KCND2: variants seen among roughly 807,000 people sequenced by gnomAD.
The protein encoded by KCND2 is A-type voltage-gated potassium channel KCND2.
In KCND2, 16 loss-of-function variants were observed where a neutral mutation model predicts 54.4. That is an observed-to-expected ratio of 0.29 (90% CI 0.20 to 0.45). The LOEUF (loss-of-function observed/expected upper bound fraction) is 0.45, where lower values mean the gene tolerates loss of function less well. Ranked by LOEUF, KCND2 falls within the 20% of genes least tolerant of loss-of-function variation. KCND2 has a pLI of 1.00. For synonymous variants in KCND2, 317 were observed against 310.7 expected (o/e 1.02, Z -0.21); for missense variants, 486 against 824.2 (o/e 0.59, Z 5.02).
intron 1 of KCND2, among the ~76,000 whole-genome samples, chr7:120,514,144 A>T (rs1018904825): frequency 6.6e-6 from 1 of 152,086 alleles, no homozygotes; most frequent in Admixed American, 6.6e-5. Flanking sequence ...ACAAGGTATA[A>T]GTTCCTGGAA....
chr7:120,421,354 T>C (rs574118781), intron 1 of KCND2, among the ~76,000 whole-genome samples: 1 of 152,340 alleles, frequency 6.6e-6, no homozygotes, highest in African/African-American at 2.4e-5. Flanking sequence ...TACCTAGAGA[T>C]AATGATGCAG....
At chr7:120,682,261 T>C (rs1792148786) in intron 1 of KCND2, among the ~76,000 whole-genome samples, 1 of 151,980 alleles carries the variant, frequency 6.6e-6, no homozygotes, top group African/African-American at 2.4e-5. Context: ...CAGGGATGTA[T>C]GGAAGAATTA....
intron 1 of KCND2, among the ~76,000 whole-genome samples, chr7:120,603,284 T>C (rs1403743597): frequency 6.6e-6 from 1 of 152,210 alleles, no homozygotes; most frequent in Non-Finnish European, 1.5e-5. Context: ...CTCAACGCCA[T>C]AGGTTCTTTC....
chr7:120,362,995 A>T (rs920110861), intron 1 of KCND2, among the ~76,000 whole-genome samples: 1 of 151,616 alleles, frequency 6.6e-6, no homozygotes, highest in African/African-American at 2.4e-5. Flanking sequence ...TTTTAGAGTG[A>T]CTCTTGTATA....
intron 1 of KCND2, among the ~76,000 whole-genome samples, chr7:120,515,682 T>C: frequency 6.6e-6 from 1 of 152,114 alleles, no homozygotes; most frequent in East Asian, 1.9e-4. Flanking sequence ...CCCAGCTGGC[T>C]GGGGCTTGTT....
chr7:120,421,813 G>T (rs1217353283), intron 1 of KCND2, among the ~76,000 whole-genome samples: 2 of 152,096 alleles, frequency 1.3e-5, no homozygotes, highest in Non-Finnish European at 1.5e-5. Context: ...GCAAAATAAG[G>T]CCCCTCCATC....
intron 1 of KCND2, among the ~76,000 whole-genome samples, chr7:120,426,804 G>T (rs1471985494): frequency 2.0e-5 from 3 of 151,914 alleles, no homozygotes; most frequent in African/African-American, 7.3e-5. Context: ...TGAATTTTTA[G>T]TAGAGACGGG....
intron 1 of KCND2, among the ~76,000 whole-genome samples, chr7:120,321,176 T>C (rs1794258955): frequency 6.6e-6 from 1 of 152,194 alleles, no homozygotes. Context: ...CCCTCCACTA[T>C]TTTAATTTAG....
intron 1 of KCND2, among the ~76,000 whole-genome samples, chr7:120,620,253 C>G (rs1321569784): frequency 6.6e-6 from 1 of 150,644 alleles, no homozygotes; most frequent in Non-Finnish European, 1.5e-5. Flanking sequence ...AAAAAAAAAA[C>G]TCTTACTTTT....
chr7:120,571,987 G>C (rs1792371564), intron 1 of KCND2, among the ~76,000 whole-genome samples: 1 of 152,194 alleles, frequency 6.6e-6, no homozygotes, highest in South Asian at 2.1e-4. Flanking sequence ...TGCCTAGCTT[G>C]CTAACTGGGA....
chr7:120,603,340 A>G (rs540376240), intron 1 of KCND2, among the ~76,000 whole-genome samples: 2 of 152,252 alleles, frequency 1.3e-5, no homozygotes, highest in East Asian at 3.9e-4. Context: ...CCCCTTCTGA[A>G]TCGCACTTTT....
At chr7:120,698,997 T>A (rs1173062107) in intron 1 of KCND2, among the ~76,000 whole-genome samples, 3 of 152,116 alleles carry the variant, frequency 2.0e-5, no homozygotes, top group Non-Finnish European at 4.4e-5. Flanking sequence ...TGGTATTAAA[T>A]CAGCCGGGCA....
At chr7:120,458,876 T>C (rs745849521) in intron 1 of KCND2, among the ~76,000 whole-genome samples, 1 of 150,714 alleles carries the variant, frequency 6.6e-6, no homozygotes, top group Non-Finnish European at 1.5e-5. Flanking sequence ...TTATTATTAT[T>C]ATGGAAAGAC....
Position 120,527,624 on chromosome 7 carries a change from A to G in KCND2, c.1116-205279A>G, listed in dbSNP as rs115053043. Among the ~76,000 whole-genome samples, 724 of 152,194 alleles carry G rather than the reference A, an allele frequency of 4.8e-3. 4 individuals carry two copies. The highest frequency in any genetic ancestry group is 0.016 in the African/African-American group (669 of 41,544). Reference sequence around the variant, plus strand: ...GATTATGGGACTGTGGATAGTTTCTATTACCTCTTTGTATATTTGTGTATT... The same window carrying G: ...GATTATGGGACTGTGGATAGTTTCTGTTACCTCTTTGTATATTTGTGTATT... On this transcript the variant is annotated intron_variant, in intron 1 of 5. Coordinates refer to ENST00000331113, the MANE Select transcript of KCND2 (RefSeq NM_012281.3).
chr7:120,523,704 C>CTGTGTGTG (rs199762798), intron 1 of KCND2, among the ~76,000 whole-genome samples: 8 of 137,216 alleles, frequency 5.8e-5, no homozygotes, highest in Non-Finnish European at 1.1e-4. Flanking sequence ...CACACACACT[C>CTGTGTGTG]TGTGTGTGTG....
chr7:120,584,277 G>A (rs188924856), intron 1 of KCND2, among the ~76,000 whole-genome samples: 1 of 152,254 alleles, frequency 6.6e-6, no homozygotes, highest in East Asian at 1.9e-4. Flanking sequence ...ACTGTCCCTA[G>A]GCCTGGGTCA....
intron 1 of KCND2, among the ~76,000 whole-genome samples, chr7:120,464,985 A>G (rs538013292): frequency 6.6e-6 from 1 of 152,324 alleles, no homozygotes; most frequent in South Asian, 2.1e-4. Context: ...GGCTACTGTA[A>G]TTACAACAGT....
chr7:120,631,029 C>T (rs538789267), intron 1 of KCND2, among the ~76,000 whole-genome samples: 1 of 152,144 alleles, frequency 6.6e-6, no homozygotes, highest in African/African-American at 2.4e-5. Context: ...CTAACAACTG[C>T]TTTCAAAACT....
At chr7:120,556,060 A>C (rs184569884) in intron 1 of KCND2, among the ~76,000 whole-genome samples, 110 of 152,322 alleles carry the variant, frequency 7.2e-4, no homozygotes, top group African/African-American at 2.4e-3. Context: ...AATTCTTGAC[A>C]CATGTAAGTT....
Sources: gnomAD v4.1 joint callset for allele counts (sites outside exome capture counted in the v4.1 genomes callset) on GRCh38, gnomAD v4.1.1 for gene constraint, MANE v1.5 for transcripts, NCBI Gene and HGNC (gene_info 2026-07-23, HGNC 2026-07-21) for gene names.